Variants in MBD1 observed in about 807,000 individuals in gnomAD.
MBD1 encodes methyl-CpG binding domain protein 1, also known as methyl-CpG-binding domain protein 1.
In MBD1, 25 loss-of-function variants were observed where a neutral mutation model predicts 82.6. That is an observed-to-expected ratio of 0.30 (90% CI 0.22 to 0.42). The LOEUF is 0.42. Ranked by LOEUF, MBD1 falls within the 10% of genes least tolerant of loss-of-function variation. The pLI is 1.00. For missense variants in MBD1, 627 were observed against 819.6 expected (o/e 0.76, Z 2.87); for synonymous variants, 301 against 303.7 (o/e 0.99, Z 0.09).
rs2036860958 is a variant in MBD1 at position 50,274,360 on chromosome 18, T to TG, written c.979-8dup. On this transcript the variant is annotated splice_region_variant and splice_polypyrimidine_tract_variant and intron_variant, in intron 10 of 16. Coordinates refer to ENST00000269468, the MANE Select transcript of MBD1 (RefSeq NM_015846.4). ...GGCGGTTCGTGTAGGGCTGCTGGGGTGGGGGGAATGGGTGGTGCTGTCAAC... is the reference window on the plus strand; with the variant it reads ...GGCGGTTCGTGTAGGGCTGCTGGGGTGGGGGGGAATGGGTGGTGCTGTCAAC... 1.9e-6 allele frequency: 3 copies of TG among 1,607,884 alleles called. No homozygotes were observed. Among genetic ancestry groups the TG allele is most frequent in the East Asian group, 2.2e-5 (1 of 44,818 alleles).
intron 8 of MBD1, 40 bp from the exon 9 acceptor site, chr18:50,275,285 C>G (rs188492060): frequency 6.2e-7 from 1 of 1,611,012 alleles, no homozygotes. Flanking sequence ...CTTGGTGGCA[C>G]CAGGCAGACA....
chr18:50,269,302 T>G lies in MBD1; in HGVS notation c.*549A>C. ...TATCCTCAGGTGAGCAGTGAGACCC[T>G]TGGGAGCGGATTCATGGTAGGGTGG... On this transcript the variant is annotated 3_prime_UTR_variant, in exon 17 of 17. Transcript: ENST00000269468. 2 of 1,245,788 alleles carry G rather than the reference T, an allele frequency of 1.6e-6. No individual in the cohort carries two copies. Among genetic ancestry groups the G allele is most frequent in the Non-Finnish European group, 2.0e-6 (2 of 980,880 alleles). 77.2% of individuals were successfully genotyped at this position (1,245,788 alleles called of 1,614,324 possible). A position where few individuals can be genotyped will look rare whatever the true frequency, so the allele number is the denominator to read the frequency against.
intron 16 of MBD1, chr18:50,270,290 T>A: frequency 1.2e-6 from 1 of 835,228 alleles, no homozygotes; most frequent in Non-Finnish European, 2.1e-6. Context: ...ATACAAAGTT[T>A]AAGGAGGCAC....
Position 50,269,077 on chromosome 18 carries a change from C to A in MBD1, c.*774G>T, listed in dbSNP as rs1396944499. 2.0e-6 allele frequency: 2 copies of A among 988,932 alleles called. No individual in the cohort carries two copies. The highest frequency in any genetic ancestry group is 3.5e-5 in the African/African-American group (2 of 57,218). The allele number at this position is 988,932 out of a possible 1,614,324, so 61.3% of individuals were successfully genotyped here. On this transcript the variant is annotated 3_prime_UTR_variant, in exon 17 of 17. Transcript: ENST00000269468. ...TTTAATAAAATTGCATGGGCCGTAT[C>A]TTTTGCATTTCTGTATCCTAGTATT...
In MBD1 at chr18:50,276,375, T is replaced by C. The variant is rs752129758; in HGVS notation, c.516+3A>G. 2.5e-6 allele frequency: 4 copies of C among 1,614,066 alleles called. No individual in the cohort carries two copies. The highest frequency in any genetic ancestry group is 1.6e-4 in the Middle Eastern group (1 of 6,062). On this transcript the variant is annotated splice_donor_region_variant and intron_variant, in intron 6 of 16. Coordinates refer to ENST00000269468, the MANE Select transcript of MBD1 (RefSeq NM_015846.4). ...TTGTGAAGAGGAAGCAGGTTGTGCT[T>C]ACCTTAAACATTCTCTGTTCCCGGT...
At chr18:50,267,639 C>T, downstream of MBD1, 3 of 1,536,092 alleles carry the variant, frequency 2.0e-6, no homozygotes, top group Non-Finnish European at 2.6e-6. Flanking sequence ...AGTTGCATTT[C>T]CAGTCAAGAG....
At chr18:50,271,689 A>G in intron 15 of MBD1, 149 bp from the exon 16 acceptor site, 1 of 868,184 alleles carries the variant, frequency 1.2e-6, no homozygotes, top group Non-Finnish European at 1.9e-6. Flanking sequence ...AAAAACTACC[A>G]TTATAGACAG....
chr18:50,271,539 A>C lies in MBD1; in HGVS notation c.1780T>G (p.Ser594Ala). 2 of 1,614,160 alleles carry C rather than the reference A, an allele frequency of 1.2e-6. No individual in the cohort carries two copies. The highest frequency in any genetic ancestry group is 1.7e-6 in the Non-Finnish European group (2 of 1,180,026). The change falls in exon 16 of 17, where the codon TCC becomes GCC. Residue 594 changes from serine (S) to alanine (A), a missense_variant and splice_region_variant. Ser to Ala is a moderately conservative substitution (Grantham distance 99). Transcript: ENST00000269468. ...FRDTAVWLPRSKDLKKPGARK... is the reference protein window; with the variant it reads ...FRDTAVWLPRAKDLKKPGARK... ...GCTCCAGGTTTTTTAAGGTCTTTGG[A>C]CCTAGGGAAAAGGGAGCAGGTCTGT...
intron 8 of MBD1, 97 bp from the exon 9 acceptor site, chr18:50,275,342 C>T (rs1256680530): frequency 6.2e-7 from 1 of 1,612,570 alleles, no homozygotes. Flanking sequence ...ATGGGACAGG[C>T]AGACAGAGGG....
In MBD1 at chr18:50,272,945, G is replaced by C. The variant is rs1314841235; in HGVS notation, c.1595C>G (p.Pro532Arg). ...CTCTTGCTTCACAGAAGGCAGGCCT[G>C]GGTCTACTGCCTGGGAGAAGTAGGA... The part of the protein sequence containing the change: ...VPGCPSKAVD[P>R]GLPSVKQEPP... Residue 532 changes from proline to arginine, a missense_variant, in exon 14 of 17, where the codon CCA becomes CGA. Pro to Arg is a moderately radical substitution (Grantham distance 103). This residue lies in a region of MBD1 where 265 missense variants were observed against 278.4 expected (regional missense o/e 0.95). Transcript: ENST00000269468. 18 of 1,613,992 alleles carry C rather than the reference G, an allele frequency of 1.1e-5. No individual in the cohort carries two copies. Among genetic ancestry groups the C allele is most frequent in the Admixed American group, 1.7e-5 (1 of 60,000 alleles).
intron 16 of MBD1, chr18:50,270,648 T>C (rs1186228923): frequency 1.1e-5 from 3 of 273,328 alleles, no homozygotes; most frequent in African/African-American, 4.3e-5. Flanking sequence ...AGGAATCCTA[T>C]GCAGCACCTG....
intron 3 of MBD1, 38 bp downstream of exon 3, chr18:50,277,052 C>T (rs2038213788): frequency 6.2e-7 from 1 of 1,611,698 alleles, no homozygotes; most frequent in African/African-American, 1.3e-5. Context: ...TTGGGTGGCA[C>T]ATCCACCCCT....
At chr18:50,276,115 G>T (rs2037777457) in intron 6 of MBD1, 134 bp from the exon 7 acceptor site, 1 of 1,200,680 alleles carries the variant, frequency 8.3e-7, no homozygotes, top group South Asian at 1.3e-5. Context: ...TATCTGAGAA[G>T]GTCTGGTTAG....
At chr18:50,273,015 C>G in intron 13 of MBD1, 60 bp from the exon 14 acceptor site, 1 of 1,604,426 alleles carries the variant, frequency 6.2e-7, no homozygotes, top group Non-Finnish European at 8.5e-7. Context: ...AGGAAAGTCT[C>G]TATCAGCCAA....
At chr18:50,271,011 A>G (rs2035282051) in intron 16 of MBD1, 14 of 997,310 alleles carry the variant, frequency 1.4e-5, no homozygotes, top group Non-Finnish European at 1.7e-5. Context: ...TAAGGATTAA[A>G]TAAACTGGGT....
In MBD1 at chr18:50,274,370, G is replaced by T; in HGVS notation, c.979-17C>A. ...GTAGGGCTGCTGGGGTGGGGGGAAT[G>T]GGTGGTGCTGTCAACTAGGACTAGG... On this transcript the variant is annotated splice_polypyrimidine_tract_variant and intron_variant, in intron 10 of 16. Coordinates refer to ENST00000269468, the MANE Select transcript of MBD1 (RefSeq NM_015846.4). 1 of 1,609,034 alleles carries T rather than the reference G, an allele frequency of 6.2e-7. No homozygotes were observed.
In MBD1 at chr18:50,270,920, C is replaced by T. The variant is rs138087627; in HGVS notation, c.*32+549G>A. 59 of 545,086 alleles carry T rather than the reference C, an allele frequency of 1.1e-4. No individual in the cohort carries two copies. In the East Asian group the frequency reaches 1.4e-3, roughly 13 times the overall value. The allele number at this position is 545,086 out of a possible 1,614,324, so 33.8% of individuals were successfully genotyped here. On this transcript the variant is annotated intron_variant, in intron 16 of 16. Transcript: ENST00000269468. ...CTAGGCTCTACTAACACCAGCTGTTCGACATTGGACAAATTAATGAGTCTC... is the reference window on the plus strand; with the variant it reads ...CTAGGCTCTACTAACACCAGCTGTTTGACATTGGACAAATTAATGAGTCTC...
At position 50,276,246 on chromosome 18, in the gene MBD1, C is replaced by A. The variant is rs1043083587; in HGVS notation, c.516+132G>T. The A allele has an allele frequency of 5.2e-6, 5 of 960,062 alleles. No homozygotes were observed. The Admixed American group carries it at 7.9e-5, about 15-fold the overall frequency. The allele number at this position is 960,062 out of a possible 1,614,324, so 59.5% of individuals were successfully genotyped here. ...CCATTAATTCCCATTATTGTGTCTG[C>A]TGACCTATGGAGAGCACCCTATAAA... On this transcript the variant is annotated intron_variant, in intron 6 of 16. Coordinates refer to ENST00000269468, the MANE Select transcript of MBD1 (RefSeq NM_015846.4).
chr18:50,275,359 G>A (rs2147447167), intron 8 of MBD1, 114 bp from the exon 9 acceptor site: 3 of 1,612,036 alleles, frequency 1.9e-6, no homozygotes, highest in South Asian at 2.2e-5. Flanking sequence ...AGGGTGGCGT[G>A]AGGCACTCAC....
Sources: gnomAD v4.1 joint callset for allele counts on GRCh38, gnomAD v4.1.1 for gene constraint, gnomAD v4.1.1 regional missense constraint, MANE v1.5 for transcripts, NCBI Gene and HGNC (gene_info 2026-07-23, HGNC 2026-07-21) for gene names.